RALGPS1: variants seen among roughly 807,000 people sequenced by gnomAD.
RALGPS1 encodes the protein ras-specific guanine nucleotide-releasing factor RalGPS1.
Under a neutral mutation model 78.8 loss-of-function variants are expected in RALGPS1, and 19 were observed. That is an observed-to-expected ratio of 0.24 (90% CI 0.17 to 0.35). The LOEUF (loss-of-function observed/expected upper bound fraction) is 0.35, where lower values mean the gene tolerates loss of function less well. Ranked by LOEUF, RALGPS1 falls within the 10% of genes least tolerant of loss-of-function variation. RALGPS1 has a pLI of 1.00. For missense variants in RALGPS1, 454 were observed against 688.3 expected (o/e 0.66, Z 3.81); for synonymous variants, 228 against 256.3 (o/e 0.89, Z 1.06).
At chr9:126,968,176 C>CA (rs1367395550) in intron 3 of RALGPS1, among the ~76,000 whole-genome samples, 2 of 151,998 alleles carry the variant, frequency 1.3e-5, no homozygotes, top group Admixed American at 6.6e-5. Context: ...CTAATTTTTG[C>CA]ATTTTTAGTA....
chr9:126,939,448 G>A (rs182216217), intron 1 of RALGPS1, among the ~76,000 whole-genome samples: 35 of 152,320 alleles, frequency 2.3e-4, no homozygotes, highest in Admixed American at 9.1e-4. Flanking sequence ...AACACTTATT[G>A]CACAGAGATG....
rs1234827610 is a variant in RALGPS1 at position 127,047,900 on chromosome 9, TAA to T, written c.301-2138_301-2137del. On this transcript the variant is annotated intron_variant, in intron 5 of 18. Transcript: ENST00000259351. Reference sequence around the variant, plus strand: ...TTTGTAGTTAGAAAAGAAAATAAAATAAAAAAGTGTTTACAACTATGCTGATT... The same window carrying T: ...TTTGTAGTTAGAAAAGAAAATAAAATAAAAGTGTTTACAACTATGCTGATT... 1.3e-5 allele frequency among the ~76,000 whole-genome samples: 2 copies of T among 151,694 alleles called. 1 individual carries two copies. Among genetic ancestry groups the T allele is most frequent in the South Asian group, 4.1e-4 (2 of 4,832 alleles).
At chr9:126,952,679 GTCTGTGTGTC>G (rs772769810) in intron 1 of RALGPS1, among the ~76,000 whole-genome samples, 4 of 108,074 alleles carry the variant, frequency 3.7e-5, no homozygotes, top group Non-Finnish European at 9.1e-5. Flanking sequence ...GTGTGTGTGT[GTCTGTGTGTC>G]TGTGTGTCTG....
Position 127,183,674 on chromosome 9 carries a change from G to A in RALGPS1, c.910+8892G>A, listed in dbSNP as rs572649499. On this transcript the variant is annotated intron_variant, in intron 11 of 18. Coordinates refer to ENST00000259351, the MANE Select transcript of RALGPS1 (RefSeq NM_014636.3). This position sits in a 1 kb window ranked among gnomAD's most constrained non-coding sequence, Gnocchi z 4.0. ...GGAGACTCCGCCTGACTATGTGTGA[G>A]TAGAAAAAGAGAACAGCCAGGGGCA... Among the ~76,000 whole-genome samples the A allele has an allele frequency of 1.3e-5, 2 of 152,212 alleles. No homozygotes were observed. Among genetic ancestry groups the A allele is most frequent in the East Asian group, 3.9e-4 (2 of 5,158 alleles).
At chr9:126,996,218 C>G (rs561751194) in intron 4 of RALGPS1, among the ~76,000 whole-genome samples, 213 of 152,182 alleles carry the variant, frequency 1.4e-3, no homozygotes, top group African/African-American at 4.5e-3. Flanking sequence ...ACAAAAAACC[C>G]TTCAAAAAAT....
At chr9:126,928,166 T>G (rs2035472640) in intron 1 of RALGPS1, among the ~76,000 whole-genome samples, 1 of 152,200 alleles carries the variant, frequency 6.6e-6, no homozygotes, top group Non-Finnish European at 1.5e-5. Context: ...GAAACTGATC[T>G]GTGATCCATT....
At chr9:127,188,422 T>C (rs968883497) in intron 11 of RALGPS1, among the ~76,000 whole-genome samples, 1 of 152,150 alleles carries the variant, frequency 6.6e-6, no homozygotes, top group African/African-American at 2.4e-5. Flanking sequence ...TTGTGAAGTC[T>C]AAGCCACAAA....
chr9:127,199,747 C>G (rs2061529918), intron 14 of RALGPS1, among the ~76,000 whole-genome samples: 1 of 152,162 alleles, frequency 6.6e-6, no homozygotes, highest in Non-Finnish European at 1.5e-5. Context: ...GCAGGCAATG[C>G]TGTGAAGGGG....
intron 8 of RALGPS1, among the ~76,000 whole-genome samples, chr9:127,080,064 A>T (rs993969552): frequency 1.2e-4 from 18 of 152,218 alleles, no homozygotes; most frequent in African/African-American, 4.3e-4. Context: ...AGGTGGGGGG[A>T]TTCGATAGGC....
At chr9:127,190,150 TG>T (rs2060946825) in intron 11 of RALGPS1, among the ~76,000 whole-genome samples, 1 of 152,240 alleles carries the variant, frequency 6.6e-6, no homozygotes, top group Non-Finnish European at 1.5e-5. Context: ...CAGTTACTGC[TG>T]TGCTGATTTA....
rs186931169 is a variant in RALGPS1, at chr9:127,006,851, C to T, written c.217-27580C>T. ...ACAGCATACTTTGTGTTATAGTTTT[C>T]ATTTTAATCTTATTGGCACAATTTG... On this transcript the variant is annotated intron_variant, in intron 4 of 18. Coordinates refer to ENST00000259351, the MANE Select transcript of RALGPS1 (RefSeq NM_014636.3). 2.8e-3 allele frequency among the ~76,000 whole-genome samples: 421 copies of T among 151,470 alleles called. 3 individuals are homozygous for T. The highest frequency in any genetic ancestry group is 9.6e-3 in the African/African-American group (396 of 41,248).
chr9:127,124,217 C>G (rs544274984), intron 8 of RALGPS1, among the ~76,000 whole-genome samples: 2 of 152,348 alleles, frequency 1.3e-5, no homozygotes, highest in African/African-American at 4.8e-5. Flanking sequence ...AGTGGCACCA[C>G]CTGACTTCTG....
intron 14 of RALGPS1, among the ~76,000 whole-genome samples, chr9:127,202,553 A>G (rs1372800264): frequency 6.6e-6 from 1 of 152,046 alleles, no homozygotes; most frequent in African/African-American, 2.4e-5. Context: ...TCTGCTCTTC[A>G]TCCTCCTGTC....
chr9:127,108,349 C>G (rs1393923800), intron 8 of RALGPS1: 1 of 1,612,312 alleles, frequency 6.2e-7, no homozygotes, highest in Non-Finnish European at 8.5e-7. Flanking sequence ...GTTCATGTTG[C>G]GGCTCTCCTT....
chr9:127,144,032 T>C (rs908337101), intron 8 of RALGPS1, among the ~76,000 whole-genome samples: 28 of 152,232 alleles, frequency 1.8e-4, no homozygotes, highest in African/African-American at 6.5e-4. Context: ...ATCCCCTCTT[T>C]GAGCCTCTGC....
At chr9:127,157,152 T>A (rs1244023781) in intron 8 of RALGPS1, among the ~76,000 whole-genome samples, 1 of 152,092 alleles carries the variant, frequency 6.6e-6, no homozygotes, top group Non-Finnish European at 1.5e-5. Flanking sequence ...ATTCTTCTTG[T>A]TAAAAATGTT....
intron 12 of RALGPS1, 134 bp from the exon 13 acceptor site, chr9:127,196,340 C>A: frequency 1.0e-6 from 1 of 961,096 alleles, no homozygotes; most frequent in East Asian, 2.6e-5. Flanking sequence ...AGGACAGAGC[C>A]TGGGCTGTAC....
chr9:126,994,953 T>C (rs2042602508), intron 4 of RALGPS1, among the ~76,000 whole-genome samples: 2 of 152,022 alleles, frequency 1.3e-5, no homozygotes. Flanking sequence ...GAAGGAGAAA[T>C]AAAACACTTT....
chr9:127,212,505 A>G lies in RALGPS1; in HGVS notation c.1354-122A>G. The G allele has an allele frequency of 4.2e-6, 3 of 718,862 alleles. No homozygotes were observed. Among genetic ancestry groups the G allele is most frequent in the Non-Finnish European group, 6.8e-6 (3 of 442,372 alleles). The allele number at this position is 718,862 out of a possible 1,614,324, so 44.5% of individuals were successfully genotyped here. A position where few individuals can be genotyped will look rare whatever the true frequency, so the allele number is the denominator to read the frequency against. ...AGTTGGCATTGCCAGGGGGTGGTGGAGGGCCAGGGAAGAGATGGGGCCTGC... is the reference window on the plus strand; with the variant it reads ...AGTTGGCATTGCCAGGGGGTGGTGGGGGGCCAGGGAAGAGATGGGGCCTGC... On this transcript the variant is annotated intron_variant, in intron 15 of 18. Coordinates refer to ENST00000259351, the MANE Select transcript of RALGPS1 (RefSeq NM_014636.3). This position sits in a 1 kb window ranked among gnomAD's most constrained non-coding sequence, Gnocchi z 6.0.
Sources: allele counts gnomAD v4.1 joint callset (sites outside exome capture counted in the v4.1 genomes callset), GRCh38; gene constraint gnomAD v4.1.1; non-coding constraint Gnocchi (gnomAD v3.1); transcripts MANE v1.5; gene names NCBI Gene and HGNC (gene_info 2026-07-23, HGNC 2026-07-21).